The following BRD7 variants were observed in gnomAD, a reference collection of about 807,000 sequenced individuals.
BRD7 encodes bromodomain-containing protein 7.
In BRD7, 15 loss-of-function variants were observed where a neutral mutation model predicts 82.1. The observed-to-expected ratio is 0.18, with a 90% CI of 0.12 to 0.28. The LOEUF (loss-of-function observed/expected upper bound fraction) is 0.28, where lower values mean the gene tolerates loss of function less well. BRD7 is among the 10% of genes least tolerant of loss of function. The probability of loss-of-function intolerance (pLI) is 1.00; values close to 1 mark genes in which losing one functional copy is unlikely to be tolerated. For synonymous variants in BRD7, 232 were observed against 266.9 expected, an observed-to-expected ratio of 0.87 and a Z score of 1.27; for missense variants, 638 against 779.9, an observed-to-expected ratio of 0.82 and a Z score of 2.17.
chr16:50,321,649 A>G (rs2037119552), intron 13 of BRD7, among the ~76,000 whole-genome samples: 1 of 151,838 alleles, frequency 6.6e-6, no homozygotes, highest in African/African-American at 2.4e-5. Flanking sequence ...CATAACCTCA[A>G]CATTACTTTT....
chr16:50,339,090 GCT>G (rs1365368504), intron 6 of BRD7, among the ~76,000 whole-genome samples: 3 of 152,232 alleles, frequency 2.0e-5, no homozygotes, highest in African/African-American at 7.2e-5. Flanking sequence ...TCATGTTTAC[GCT>G]CTTTCCTGCA....
chr16:50,357,499 G>A (rs1310423842), intron 2 of BRD7, among the ~76,000 whole-genome samples: 1 of 152,130 alleles, frequency 6.6e-6, no homozygotes, highest in Non-Finnish European at 1.5e-5. Flanking sequence ...ATGGATCTTG[G>A]TAGGCTGGCA....
At position 50,368,814 on chromosome 16, in the gene BRD7, C is replaced by T. The variant is rs1180276599; in HGVS notation, c.-40G>A. 6.8e-7 allele frequency: 1 copy of T among 1,462,840 alleles called. No individual in the cohort carries two copies. Among genetic ancestry groups the T allele is most frequent in the South Asian group, 1.3e-5 (1 of 78,482 alleles). 90.6% of individuals were successfully genotyped at this position (1,462,840 alleles called of 1,614,324 possible). ...CGGTGCCCGCCCCCCGCGCCAGGCC[C>T]AGGCCGTGCGGCGCCGCTTCCGGTC... is the stretch of plus-strand genomic sequence containing the variant. On this transcript the variant is annotated 5_prime_UTR_variant, in exon 1 of 17. Coordinates refer to ENST00000394688, the MANE Select transcript of BRD7 (RefSeq NM_013263.5).
intron 2 of BRD7, among the ~76,000 whole-genome samples, chr16:50,366,186 T>C (rs547311563): frequency 8.7e-4 from 133 of 152,282 alleles, no homozygotes; most frequent in Non-Finnish European, 1.4e-3. Flanking sequence ...TTTTCAAACA[T>C]GTTAGAACTT....
rs1019448116 is a variant in BRD7, at chr16:50,318,186, A to C, written c.*1025T>G. ...GTCCTCATGAACTCACTAGAGATTAAAAGTAGACTCAAACAACTTGAAAAT... is the reference window on the plus strand; with the variant it reads ...GTCCTCATGAACTCACTAGAGATTACAAGTAGACTCAAACAACTTGAAAAT... On this transcript the variant is annotated 3_prime_UTR_variant, in exon 17 of 17. Transcript: ENST00000394688. 1 of 152,272 alleles carries C rather than the reference A, an allele frequency of 6.6e-6. No homozygotes were observed. The highest frequency in any genetic ancestry group is 1.5e-5 in the Non-Finnish European group (1 of 68,036). The allele number at this position is 152,272 out of a possible 1,614,324, so 9.4% of individuals were successfully genotyped here. A position where few individuals can be genotyped will look rare whatever the true frequency, so the allele number is the denominator to read the frequency against.
At chr16:50,361,506 G>C (rs1337567746) in intron 2 of BRD7, among the ~76,000 whole-genome samples, 1 of 152,156 alleles carries the variant, frequency 6.6e-6, no homozygotes, top group Non-Finnish European at 1.5e-5. Flanking sequence ...AGAACAGCAA[G>C]TGAGTTTCAA....
At chr16:50,340,896 C>G (rs759233840) in intron 5 of BRD7, among the ~76,000 whole-genome samples, 2 of 151,940 alleles carry the variant, frequency 1.3e-5, no homozygotes, top group Non-Finnish European at 2.9e-5. Context: ...GAAAGAAAAA[C>G]CCAAGAAAAG....
At chr16:50,336,906 T>C (rs1041524188) in intron 6 of BRD7, among the ~76,000 whole-genome samples, 1 of 152,246 alleles carries the variant, frequency 6.6e-6, no homozygotes, top group East Asian at 1.9e-4. Flanking sequence ...GTCAGCACAT[T>C]ATTGATCTTC....
chr16:50,350,503 C>A (rs1024315932), intron 4 of BRD7, among the ~76,000 whole-genome samples: 3 of 152,186 alleles, frequency 2.0e-5, no homozygotes, highest in Non-Finnish European at 4.4e-5. Context: ...ATTAGCACTG[C>A]ATATTTTTAA....
intron 2 of BRD7, among the ~76,000 whole-genome samples, chr16:50,356,710 A>AG (rs1202150999): frequency 4.9e-5 from 6 of 121,812 alleles, no homozygotes; most frequent in South Asian, 2.7e-4. Context: ...TTCTTTCCTT[A>AG]GGGGAAAAAA....
chr16:50,357,278 A>G lies in BRD7; in HGVS notation c.259-2356T>C, dbSNP rs958173418. ...CACACTTTGAGAATCACTGATCTAG[A>G]GCTCTGCACTCTATTTTCAGAATCC... On this transcript the variant is annotated intron_variant, in intron 2 of 16. Transcript: ENST00000394688. Among the ~76,000 whole-genome samples the G allele has an allele frequency of 3.9e-5, 6 of 152,154 alleles. No homozygotes were observed. The South Asian group carries it at 8.3e-4, about 21-fold the overall frequency.
intron 2 of BRD7, among the ~76,000 whole-genome samples, chr16:50,358,552 G>A (rs1055962989): frequency 6.6e-6 from 1 of 151,254 alleles, no homozygotes; most frequent in African/African-American, 2.4e-5. Context: ...TGTGACCTTA[G>A]GCAATTCATT....
chr16:50,362,988 A>G (rs1322296114), intron 2 of BRD7, among the ~76,000 whole-genome samples: 1 of 152,226 alleles, frequency 6.6e-6, no homozygotes, highest in South Asian at 2.1e-4. Context: ...TAGGGAGTAT[A>G]GTAGGATGAT....
At chr16:50,354,125 A>C (rs1004763087) in intron 4 of BRD7, among the ~76,000 whole-genome samples, 4 of 152,236 alleles carry the variant, frequency 2.6e-5, no homozygotes, top group Non-Finnish European at 5.9e-5. Flanking sequence ...TCTATTAGCA[A>C]AGTGGAAATA....
At chr16:50,346,360 T>C (rs1338380615) in intron 5 of BRD7, among the ~76,000 whole-genome samples, 3 of 151,724 alleles carry the variant, frequency 2.0e-5, no homozygotes, top group Non-Finnish European at 2.9e-5. Flanking sequence ...ATTAAAAAAA[T>C]TAGAGAAGCA....
Position 50,354,651 on chromosome 16 carries a change from A to G in BRD7, c.388+142T>C, listed in dbSNP as rs1361224958. 5.5e-6 allele frequency: 7 copies of G among 1,271,648 alleles called. No individual in the cohort carries two copies. The East Asian group carries it at 1.6e-4, about 30-fold the overall frequency. 78.8% of individuals were successfully genotyped at this position (1,271,648 alleles called of 1,614,324 possible). ...ATTAATCCAAAATTGAAGCTAATTTAAAGCTCTTATGCAGTTTGAGAGAAA... is the reference window on the plus strand; with the variant it reads ...ATTAATCCAAAATTGAAGCTAATTTGAAGCTCTTATGCAGTTTGAGAGAAA... On this transcript the variant is annotated intron_variant, in intron 3 of 16. Transcript: ENST00000394688.
intron 9 of BRD7, 79 bp downstream of exon 9, chr16:50,328,590 T>C: frequency 1.6e-6 from 2 of 1,238,036 alleles, no homozygotes; most frequent in African/African-American, 1.5e-5. Context: ...TTCAAGCTTG[T>C]TGCTTTAAAA....
chr16:50,326,027 G>A, intron 10 of BRD7, 144 bp from the exon 11 acceptor site: 1 of 915,042 alleles, frequency 1.1e-6, no homozygotes, highest in Non-Finnish European at 1.6e-6. Context: ...TCTCAAACAG[G>A]TACTTGTAAA....
At chr16:50,368,039 C>T (rs1567295816) in intron 2 of BRD7, 51 bp downstream of exon 2, 5 of 1,581,430 alleles carry the variant, frequency 3.2e-6, no homozygotes, top group Non-Finnish European at 4.3e-6. Flanking sequence ...AGGTTGGCAC[C>T]TGGAAGAGGC....
Sources: gnomAD v4.1 joint callset for allele counts (sites outside exome capture counted in the v4.1 genomes callset) on GRCh38, gnomAD v4.1.1 for gene constraint, MANE v1.5 for transcripts, NCBI Gene and HGNC (gene_info 2026-07-23, HGNC 2026-07-21) for gene names.